The following NRXN3 variants were observed in gnomAD, a reference collection of about 807,000 sequenced individuals.
NRXN3 encodes the protein neurexin III.
In NRXN3, 32 loss-of-function variants were observed where a neutral mutation model predicts 137.6. That is an observed-to-expected ratio of 0.23 (90% CI 0.18 to 0.31). The LOEUF is 0.31. Among genes scored for constraint, NRXN3 ranks in the 10% least tolerant of loss-of-function variants. The pLI is 1.00. For missense variants in NRXN3, 1,574 were observed against 2,062.5 expected (o/e 0.76, Z 4.59); for synonymous variants, 798 against 784.5 (o/e 1.02, Z -0.29).
At chr14:79,485,063 AATATT>A (rs1469532375) in intron 16 of NRXN3, among the ~76,000 whole-genome samples, 2 of 152,138 alleles carry the variant, frequency 1.3e-5, no homozygotes, top group African/African-American at 4.8e-5. Flanking sequence ...TTTAATATAT[AATATT>A]ACAATATTGA....
chr14:78,768,562 C>A (rs2098716512), intron 8 of NRXN3, among the ~76,000 whole-genome samples: 1 of 151,994 alleles, frequency 6.6e-6, no homozygotes, highest in Non-Finnish European at 1.5e-5. Context: ...AGTTTACTGG[C>A]AGAAATAGAG....
intron 11 of NRXN3, among the ~76,000 whole-genome samples, chr14:78,964,625 G>A (rs2099414030): frequency 6.7e-6 from 1 of 148,948 alleles, no homozygotes; most frequent in African/African-American, 2.6e-5. Flanking sequence ...GGTAACAAGA[G>A]AGGACAGGAA....
At chr14:78,708,871 G>A (rs930995193) in intron 6 of NRXN3, among the ~76,000 whole-genome samples, 1 of 152,114 alleles carries the variant, frequency 6.6e-6, no homozygotes, top group Admixed American at 6.5e-5. Flanking sequence ...ATTTTACTAA[G>A]GGTGCTTCAG....
At chr14:78,180,392 A>G (rs989295250) in intron 1 of NRXN3, among the ~76,000 whole-genome samples, 4 of 152,238 alleles carry the variant, frequency 2.6e-5, no homozygotes, top group Non-Finnish European at 4.4e-5. Flanking sequence ...GAACCATTTG[A>G]TATTTTCTCA....
intron 16 of NRXN3, among the ~76,000 whole-genome samples, chr14:79,504,214 T>C (rs1338498481): frequency 6.6e-6 from 1 of 152,220 alleles, no homozygotes; most frequent in African/African-American, 2.4e-5. Context: ...AGACAAATGG[T>C]TGCATTCATC....
intron 15 of NRXN3, among the ~76,000 whole-genome samples, chr14:79,199,608 G>C (rs975201454): frequency 1.3e-5 from 2 of 152,290 alleles, no homozygotes; most frequent in Admixed American, 1.3e-4. Flanking sequence ...ACCATTTAAG[G>C]TGATATGTGT....
intron 1 of NRXN3, among the ~76,000 whole-genome samples, chr14:78,189,832 C>T (rs1309761718): frequency 6.6e-6 from 1 of 152,188 alleles, no homozygotes; most frequent in Non-Finnish European, 1.5e-5. Context: ...GTGATCCATC[C>T]TGGCCATTTC....
intron 10 of NRXN3, among the ~76,000 whole-genome samples, chr14:78,825,196 C>CAAA (rs11335474): frequency 1.3e-4 from 10 of 75,792 alleles, no homozygotes; most frequent in East Asian, 3.4e-4. Context: ...GACTCTGCCT[C>CAAA]AAAAAAAAAA....
At chr14:78,358,764 T>G (rs543107266) in intron 4 of NRXN3, among the ~76,000 whole-genome samples, 36 of 152,292 alleles carry the variant, frequency 2.4e-4, no homozygotes, top group African/African-American at 7.9e-4. Flanking sequence ...TTCTCCTGCC[T>G]TAACTGAGCA....
intron 10 of NRXN3, among the ~76,000 whole-genome samples, chr14:78,884,549 T>C (rs1329562094): frequency 6.6e-6 from 1 of 152,248 alleles, no homozygotes; most frequent in Non-Finnish European, 1.5e-5. Context: ...GATAAGACTA[T>C]CTACCTATCC....
intron 15 of NRXN3, among the ~76,000 whole-genome samples, chr14:79,356,737 C>CT (rs983574209): frequency 2.0e-5 from 3 of 151,506 alleles, no homozygotes; most frequent in African/African-American, 4.9e-5. Context: ...ACTTTTTTTT[C>CT]TTTTTTTTGA....
chr14:79,547,618 G>A (rs772823468), intron 16 of NRXN3, among the ~76,000 whole-genome samples: 3 of 152,140 alleles, frequency 2.0e-5, no homozygotes, highest in African/African-American at 7.2e-5. Context: ...GCAGAGGCCA[G>A]TTTTACTGCA....
chr14:78,174,186 G>A (rs1422419263), intron 1 of NRXN3, among the ~76,000 whole-genome samples: 3 of 152,128 alleles, frequency 2.0e-5, no homozygotes, highest in Non-Finnish European at 4.4e-5. Flanking sequence ...AACCATCCAT[G>A]AAATATATGT....
intron 19 of NRXN3, among the ~76,000 whole-genome samples, chr14:79,740,715 TATATATATATATATATATATATA>T (rs2098959220): frequency 2.7e-4 from 2 of 7,540 alleles, no homozygotes; most frequent in Non-Finnish European, 5.3e-4. Flanking sequence ...TAGTTTTTTA[TATATATATATATATATATATATA>T]TATATATATA....
chr14:79,154,791 GTCT>G (rs1389105874), intron 15 of NRXN3, among the ~76,000 whole-genome samples: 3 of 151,888 alleles, frequency 2.0e-5, no homozygotes, highest in African/African-American at 7.2e-5. Context: ...CTACTTGATA[GTCT>G]TATGACTATT....
chr14:79,464,228 C>T (rs2096391685), intron 15 of NRXN3, among the ~76,000 whole-genome samples: 1 of 152,022 alleles, frequency 6.6e-6, no homozygotes, highest in Non-Finnish European at 1.5e-5. Context: ...ATATTTTTTT[C>T]TTCATAGCAA....
chr14:79,775,120 A>G (rs1377872825), intron 19 of NRXN3, among the ~76,000 whole-genome samples: 1 of 152,168 alleles, frequency 6.6e-6, no homozygotes, highest in African/African-American at 2.4e-5. Context: ...GTACTATGGT[A>G]TGTATTAATA....
chr14:79,049,488 C>T (rs1300456289), intron 15 of NRXN3, among the ~76,000 whole-genome samples: 1 of 152,194 alleles, frequency 6.6e-6, no homozygotes, highest in Non-Finnish European at 1.5e-5. Context: ...AAGTCTTGAA[C>T]CCCATAAAGC....
chr14:79,636,947 G>A (rs1321084834), intron 16 of NRXN3, among the ~76,000 whole-genome samples: 2 of 152,214 alleles, frequency 1.3e-5, no homozygotes, highest in Non-Finnish European at 2.9e-5. Context: ...TTATTGGAAG[G>A]TGGGTGATTA....
Sources: gnomAD v4.1 joint callset for allele counts (sites outside exome capture counted in the v4.1 genomes callset) on GRCh38, gnomAD v4.1.1 for gene constraint, MANE v1.5 for transcripts, NCBI Gene and HGNC (gene_info 2026-07-23, HGNC 2026-07-21) for gene names.